Variants in RTN4RL1 observed in about 807,000 individuals in gnomAD.
The protein encoded by RTN4RL1 is reticulon 4 receptor like 1.
In RTN4RL1, 7 loss-of-function variants were observed where a neutral mutation model predicts 25.6. The ratio of observed to expected loss-of-function variants is 0.27; its 90% CI spans 0.16 to 0.51. The LOEUF (loss-of-function observed/expected upper bound fraction) is 0.51, where lower values mean the gene tolerates loss of function less well. Among genes scored for constraint, RTN4RL1 ranks in the 20% least tolerant of loss-of-function variants. The pLI is 0.97. For synonymous variants in RTN4RL1, 297 were observed against 288.2 expected (o/e 1.03, Z -0.31); for missense variants, 500 against 615.6 (o/e 0.81, Z 1.99).
chr17:1,941,130 C>T (rs1249045119), intron 1 of RTN4RL1, among the ~76,000 whole-genome samples: 2 of 152,178 alleles, frequency 1.3e-5, no homozygotes, highest in African/African-American at 4.8e-5. Flanking sequence ...CCTCCTTCAC[C>T]CACTGTGTGG....
intron 1 of RTN4RL1, 91 bp downstream of exon 1, chr17:2,024,762 G>C (rs1428553480): frequency 5.1e-6 from 7 of 1,371,720 alleles, no homozygotes; most frequent in Admixed American, 2.4e-5. Flanking sequence ...CTACTTCCCA[G>C]ACCGGGAGCC....
At chr17:1,971,257 CT>C (rs1268794320) in intron 1 of RTN4RL1, among the ~76,000 whole-genome samples, 35 of 152,220 alleles carry the variant, frequency 2.3e-4, no homozygotes, top group Admixed American at 1.2e-3. Context: ...CACATGCTCT[CT>C]CTCCTGTCGC....
chr17:1,980,152 CT>C (rs1165194341), intron 1 of RTN4RL1, among the ~76,000 whole-genome samples: 2 of 151,920 alleles, frequency 1.3e-5, no homozygotes, highest in Non-Finnish European at 1.5e-5. Flanking sequence ...AAGCCTTGAC[CT>C]CCCAGGCTCA....
chr17:1,955,744 C>A (rs1012312250), intron 1 of RTN4RL1, among the ~76,000 whole-genome samples: 1 of 151,670 alleles, frequency 6.6e-6, no homozygotes, highest in Non-Finnish European at 1.5e-5. Context: ...CCACCATGCC[C>A]GGCGAATTTT....
chr17:1,967,536 T>A (rs963747112), intron 1 of RTN4RL1, among the ~76,000 whole-genome samples: 1 of 152,024 alleles, frequency 6.6e-6, no homozygotes, highest in Admixed American at 6.6e-5. Flanking sequence ...GGCCGCCTCC[T>A]CCCTGGCCTC....
intron 1 of RTN4RL1, among the ~76,000 whole-genome samples, chr17:1,985,086 A>G (rs12103855): frequency 0.082 from 12,562 of 152,284 alleles, 1,485 homozygotes; most frequent in African/African-American, 0.26. Flanking sequence ...TGACCCTTTC[A>G]GGCAAATATA....
intron 1 of RTN4RL1, among the ~76,000 whole-genome samples, chr17:1,990,465 G>T (rs1306768928): frequency 2.0e-5 from 3 of 152,142 alleles, no homozygotes; most frequent in African/African-American, 7.2e-5. Context: ...GGAGGCTAAG[G>T]CAAGGCAGGA....
At chr17:1,956,253 G>A (rs928027595) in intron 1 of RTN4RL1, among the ~76,000 whole-genome samples, 3 of 152,196 alleles carry the variant, frequency 2.0e-5, no homozygotes, top group South Asian at 2.1e-4. Flanking sequence ...ACAGGCACTC[G>A]TCAAACACCA....
At chr17:1,967,797 G>A (rs530671040) in intron 1 of RTN4RL1, among the ~76,000 whole-genome samples, 2 of 152,058 alleles carry the variant, frequency 1.3e-5, no homozygotes, top group Non-Finnish European at 2.9e-5. Flanking sequence ...CTGCCACCAC[G>A]CATGGATAAT....
chr17:1,944,525 G>C (rs1490888009), intron 1 of RTN4RL1, among the ~76,000 whole-genome samples: 2 of 152,078 alleles, frequency 1.3e-5, no homozygotes, highest in African/African-American at 4.8e-5. Flanking sequence ...GTGCGATCTC[G>C]GCTCACTGCA....
rs966265763 is a variant in RTN4RL1, at chr17:1,936,178, G to A, written c.*318C>T. 19 of 1,172,718 alleles carry A rather than the reference G, an allele frequency of 1.6e-5. No homozygotes were observed. The highest frequency in any genetic ancestry group is 3.2e-5 in the South Asian group (1 of 31,118). 72.6% of individuals were successfully genotyped at this position (1,172,718 alleles called of 1,614,324 possible). A position where few individuals can be genotyped will look rare whatever the true frequency, so the allele number is the denominator to read the frequency against. On this transcript the variant is annotated 3_prime_UTR_variant, in exon 2 of 2. Coordinates refer to ENST00000331238, the MANE Select transcript of RTN4RL1 (RefSeq NM_178568.4). ...CACAGAGCCCCGGTGCCGCCGTCGG[G>A]GGCAATTGTCCCACTGTTGCCAGTG...
intron 1 of RTN4RL1, among the ~76,000 whole-genome samples, chr17:2,011,093 A>T (rs892808614): frequency 1.4e-4 from 21 of 152,094 alleles, no homozygotes; most frequent in Admixed American, 1.2e-3. Context: ...CTCTACTAAA[A>T]ATACAAAATT....
chr17:1,966,896 C>T (rs1186787340), intron 1 of RTN4RL1, among the ~76,000 whole-genome samples: 3 of 152,170 alleles, frequency 2.0e-5, no homozygotes, highest in Non-Finnish European at 4.4e-5. Flanking sequence ...CCCTTCCAAA[C>T]CTCGCCCAGT....
intron 1 of RTN4RL1, among the ~76,000 whole-genome samples, chr17:2,005,849 T>C (rs1222965291): frequency 6.7e-6 from 1 of 150,086 alleles, no homozygotes; most frequent in African/African-American, 2.4e-5. Flanking sequence ...CAGGCTGGAG[T>C]GCAGTGGCGC....
At chr17:2,015,823 C>T (rs897298273) in intron 1 of RTN4RL1, among the ~76,000 whole-genome samples, 12 of 152,156 alleles carry the variant, frequency 7.9e-5, no homozygotes, top group African/African-American at 2.7e-4. Flanking sequence ...CCCCATCAGC[C>T]GCAGGTGACA....
chr17:1,941,525 A>ACAAGCCACAGGCAC (rs893152424), intron 1 of RTN4RL1, among the ~76,000 whole-genome samples: 2 of 152,122 alleles, frequency 1.3e-5, no homozygotes, highest in African/African-American at 4.8e-5. Context: ...GGGCCGGGCA[A>ACAAGCCACAGGCAC]CAAGCCACAG....
chr17:1,992,103 G>A (rs1597230825), intron 1 of RTN4RL1, among the ~76,000 whole-genome samples: 3 of 152,014 alleles, frequency 2.0e-5, no homozygotes. Context: ...AGTGGCTCAC[G>A]CCTGTAATCC....
At chr17:2,017,530 C>T (rs941074973) in intron 1 of RTN4RL1, among the ~76,000 whole-genome samples, 4 of 152,244 alleles carry the variant, frequency 2.6e-5, no homozygotes, top group Non-Finnish European at 5.9e-5. Flanking sequence ...GGCTCACCAT[C>T]GTGCCACGGC....
In RTN4RL1 at chr17:1,935,711, G is replaced by GTGTATATA. The variant is rs1435954605; in HGVS notation, c.*784_*785insTATATACA. ...AGTGGGAGGGGGACTGTGCATTTGT[G>GTGTATATA]TATATATATATATATATATATATAT... is the stretch of plus-strand genomic sequence containing the variant. On this transcript the variant is annotated 3_prime_UTR_variant, in exon 2 of 2. Coordinates refer to ENST00000331238, the MANE Select transcript of RTN4RL1 (RefSeq NM_178568.4). The GTGTATATA allele has an allele frequency of 3.2e-5, 5 of 157,458 alleles. No individual in the cohort carries two copies. Among genetic ancestry groups the GTGTATATA allele is most frequent in the Admixed American group, 1.3e-4 (1 of 7,674 alleles). 9.8% of individuals were successfully genotyped at this position (157,458 alleles called of 1,614,324 possible).
Sources: allele counts gnomAD v4.1 joint callset (sites outside exome capture counted in the v4.1 genomes callset), GRCh38; gene constraint gnomAD v4.1.1; transcripts MANE v1.5; gene names NCBI Gene and HGNC (gene_info 2026-07-23, HGNC 2026-07-21).